The following RXRA variants were observed in gnomAD, a reference collection of about 807,000 sequenced individuals.
The protein encoded by RXRA is retinoic acid receptor RXR-alpha.
Under a neutral mutation model 44.5 loss-of-function variants are expected in RXRA, and 5 were observed. The observed-to-expected ratio is 0.11, with a 90% CI of 0.06 to 0.24. The LOEUF (loss-of-function observed/expected upper bound fraction) is 0.24, where lower values mean the gene tolerates loss of function less well. Ranked by LOEUF, RXRA falls within the 10% of genes least tolerant of loss-of-function variation. The probability of loss-of-function intolerance (pLI) is 1.00; values close to 1 mark genes in which losing one functional copy is unlikely to be tolerated. For synonymous variants in RXRA, 291 were observed against 271.4 expected, an observed-to-expected ratio of 1.07 and a Z score of -0.71; for missense variants, 412 against 646.5, an observed-to-expected ratio of 0.64 and a Z score of 3.93.
chr9:134,427,029 T>C, intron 6 of RXRA: 1 of 982,296 alleles, frequency 1.0e-6, no homozygotes, highest in East Asian at 1.1e-4. Context: ...GGCCCGGGGC[T>C]CCTGTCCAAG....
At chr9:134,359,116 A>G (rs1398449490) in intron 1 of RXRA, among the ~76,000 whole-genome samples, 2 of 152,142 alleles carry the variant, frequency 1.3e-5, no homozygotes, top group African/African-American at 2.4e-5. Flanking sequence ...CCTGCTGTCT[A>G]TAAAATTGAG....
At chr9:134,435,708 G>T (rs1277077890) in intron 9 of RXRA, among the ~76,000 whole-genome samples, 2 of 152,074 alleles carry the variant, frequency 1.3e-5, no homozygotes. Flanking sequence ...GATGCTCTTT[G>T]ACTTCTTGGT....
chr9:134,377,031 C>T (rs1222460697), intron 1 of RXRA, among the ~76,000 whole-genome samples: 1 of 152,200 alleles, frequency 6.6e-6, no homozygotes, highest in African/African-American at 2.4e-5. Context: ...GCCGGGTTTT[C>T]CTGGCAGCCC....
At chr9:134,390,338 T>C (rs187499491) in intron 1 of RXRA, among the ~76,000 whole-genome samples, 39 of 152,240 alleles carry the variant, frequency 2.6e-4, no homozygotes, top group Admixed American at 6.5e-4. Flanking sequence ...ACGGGTCACT[T>C]GGCGGGAGGT....
chr9:134,435,810 G>T (rs1436260951), intron 9 of RXRA, among the ~76,000 whole-genome samples: 1 of 152,148 alleles, frequency 6.6e-6, no homozygotes, highest in Non-Finnish European at 1.5e-5. Flanking sequence ...TGCTGTGATG[G>T]CTGCTGCAGC....
At chr9:134,395,619 G>A (rs973457134) in intron 1 of RXRA, among the ~76,000 whole-genome samples, 25 of 152,336 alleles carry the variant, frequency 1.6e-4, no homozygotes, top group African/African-American at 6.0e-4. Context: ...CAGAGCAGGG[G>A]CCTGAGTGTC....
intron 1 of RXRA, among the ~76,000 whole-genome samples, chr9:134,401,079 C>T (rs538527444): frequency 1.4e-4 from 22 of 152,318 alleles, no homozygotes; most frequent in Non-Finnish European, 2.9e-4. Context: ...CCTGGCTTCC[C>T]GCATCTGTAA....
chr9:134,368,774 G>A (rs1055443930), intron 1 of RXRA, among the ~76,000 whole-genome samples: 1 of 151,586 alleles, frequency 6.6e-6, no homozygotes, highest in Admixed American at 6.6e-5. Context: ...GACTGTGAGT[G>A]TGTTTGGGTG....
At chr9:134,329,291 C>G (rs1417417269) in intron 1 of RXRA, among the ~76,000 whole-genome samples, 2 of 152,362 alleles carry the variant, frequency 1.3e-5, no homozygotes, top group African/African-American at 4.8e-5. Flanking sequence ...ATAACAGGGT[C>G]ATGTGACTCT....
chr9:134,415,090 C>T (rs1347289016), intron 4 of RXRA, among the ~76,000 whole-genome samples: 2 of 152,258 alleles, frequency 1.3e-5, no homozygotes, highest in Non-Finnish European at 2.9e-5. Flanking sequence ...TGCGGGGTCC[C>T]TGGCTGGCTC....
In RXRA at chr9:134,366,724, G is replaced by A. The variant is rs1031280428; in HGVS notation, c.29-34908G>A. Among the ~76,000 whole-genome samples the A allele has an allele frequency of 1.3e-5, 2 of 152,172 alleles. No individual in the cohort carries two copies. The highest frequency in any genetic ancestry group is 2.9e-5 in the Non-Finnish European group (2 of 68,026). On this transcript the variant is annotated intron_variant, in intron 1 of 9. Transcript: ENST00000481739. This position sits in a 1 kb window ranked among gnomAD's most constrained non-coding sequence, Gnocchi z 5.9. ...GAAGCTGAACCCCGGGGACAGTGTT[G>A]GTCAGAAAAGCCATAGACTCTCCAC...
At chr9:134,330,202 G>A (rs1003337607) in intron 1 of RXRA, among the ~76,000 whole-genome samples, 1 of 152,230 alleles carries the variant, frequency 6.6e-6, no homozygotes, top group Admixed American at 6.5e-5. Context: ...ACCCCCAGCT[G>A]GCTCAGGGCT....
At chr9:134,336,553 G>C (rs116714184) in intron 1 of RXRA, among the ~76,000 whole-genome samples, 2 of 152,162 alleles carry the variant, frequency 1.3e-5, no homozygotes, top group African/African-American at 4.8e-5. Flanking sequence ...CCCTGTGGCC[G>C]GCCGGAGCCT....
At chr9:134,383,475 G>A (rs575399853) in intron 1 of RXRA, among the ~76,000 whole-genome samples, 1 of 152,292 alleles carries the variant, frequency 6.6e-6, no homozygotes, top group South Asian at 2.1e-4. Context: ...GGGGTAGGAT[G>A]GGGACACGGA....
rs1444744691 is a variant in RXRA, at chr9:134,426,790, C to T, written c.911-2318C>T. 6 of 985,260 alleles carry T rather than the reference C, an allele frequency of 6.1e-6. No individual in the cohort carries two copies. The highest frequency in any genetic ancestry group is 2.4e-6 in the Non-Finnish European group (2 of 829,912). 61.0% of individuals were successfully genotyped at this position (985,260 alleles called of 1,614,324 possible). The stretch of plus-strand genomic sequence containing the variant: ...GCAGGCCCGAGAGGCCAGGACTGGC[C>T]AGGGATGGTGGGTTTGGGGCCAGTT... On this transcript the variant is annotated intron_variant, in intron 6 of 9. Transcript: ENST00000481739. The surrounding 1 kb of genome is among the most constrained non-coding windows in gnomAD (Gnocchi z 4.6).
In RXRA at chr9:134,421,856, G is replaced by A. The variant is rs777108402; in HGVS notation, c.910+51G>A. 3.2e-5 allele frequency: 52 copies of A among 1,602,504 alleles called. 1 individual carries two copies. The South Asian group carries it at 4.9e-4, about 15-fold the overall frequency. On this transcript the variant is annotated intron_variant, in intron 6 of 9. Transcript: ENST00000481739. ...TGGGGATGCCATGCAGATGGGACAC[G>A]TACCAGGACACTCCCCCCTCCCGGG...
intron 1 of RXRA, among the ~76,000 whole-genome samples, chr9:134,395,878 G>A (rs1377458681): frequency 6.6e-6 from 1 of 152,256 alleles, no homozygotes; most frequent in Non-Finnish European, 1.5e-5. Context: ...AACCTCAGAA[G>A]AGCTGAAATT....
intron 6 of RXRA, chr9:134,423,530 C>G: frequency 3.0e-6 from 3 of 985,108 alleles, no homozygotes; most frequent in Non-Finnish European, 3.6e-6. Context: ...GGCCTGGCGC[C>G]GTCGCCACCC....
intron 5 of RXRA, among the ~76,000 whole-genome samples, chr9:134,418,216 G>T (rs1564293068): frequency 6.6e-6 from 1 of 152,136 alleles, no homozygotes; most frequent in Non-Finnish European, 1.5e-5. Context: ...CCCCACTGAG[G>T]GGGTGGCTCC....
Sources: allele counts gnomAD v4.1 joint callset (sites outside exome capture counted in the v4.1 genomes callset), GRCh38; gene constraint gnomAD v4.1.1; non-coding constraint Gnocchi (gnomAD v3.1); transcripts MANE v1.5; gene names NCBI Gene and HGNC (gene_info 2026-07-23, HGNC 2026-07-21).